ATP8B4: variants seen among roughly 807,000 people sequenced by gnomAD.
ATP8B4 encodes the protein ATPase phospholipid transporting 8B4 (putative).
In ATP8B4, 133 loss-of-function variants were observed where a neutral mutation model predicts 145.6. The observed-to-expected ratio is 0.91, with a 90% CI of 0.79 to 1.05. ATP8B4 has a LOEUF of 1.05. ATP8B4 is among the 50% of genes least tolerant of loss of function. The probability of loss-of-function intolerance (pLI) is 0.00; values close to 1 mark genes in which losing one functional copy is unlikely to be tolerated. For missense variants in ATP8B4, 1,458 were observed against 1,425.2 expected (o/e 1.02, Z -0.37); for synonymous variants, 507 against 492.9 (o/e 1.03, Z -0.38).
chr15:49,947,660 C>T (rs1338084111), intron 14 of ATP8B4, among the ~76,000 whole-genome samples: 3 of 151,794 alleles, frequency 2.0e-5, no homozygotes, highest in Admixed American at 1.3e-4. Context: ...CCCCAGATAG[C>T]CAAAACTATC....
chr15:49,900,985 A>AGT (rs1411862873), intron 21 of ATP8B4, 107 bp downstream of exon 21: 2 of 1,378,166 alleles, frequency 1.5e-6, no homozygotes, highest in African/African-American at 2.9e-5. Context: ...TGTATCTAGT[A>AGT]GTGACATTTG....
chr15:50,093,026 G>A (rs2055711493), intron 2 of ATP8B4, among the ~76,000 whole-genome samples: 1 of 151,952 alleles, frequency 6.6e-6, no homozygotes, highest in Non-Finnish European at 1.5e-5. Flanking sequence ...AAAAGTCAGT[G>A]GAGGCCTGAA....
At chr15:50,087,327 ATATTTATATATAATATAGATC>A (rs1408618677) in intron 2 of ATP8B4, among the ~76,000 whole-genome samples, 25 of 37,412 alleles carry the variant, frequency 6.7e-4, no homozygotes, top group African/African-American at 3.6e-3. Flanking sequence ...ATATAGATCT[ATATTTATATATAATATAGATC>A]TATATATTAT....
intron 7 of ATP8B4, among the ~76,000 whole-genome samples, 166 bp downstream of exon 7, chr15:50,010,679 A>C (rs12593242): frequency 0.4 from 60,334 of 151,920 alleles, 12,366 homozygotes; most frequent in East Asian, 0.65. Context: ...GAAACTAATA[A>C]ATCAACGTCT....
chr15:50,002,111 A>G (rs1343739956), intron 8 of ATP8B4, 42 bp downstream of exon 8: 5 of 1,479,002 alleles, frequency 3.4e-6, no homozygotes. Flanking sequence ...ACTTTTAAAT[A>G]AATTAAAAAC....
At chr15:49,963,531 G>A (rs933221653) in intron 13 of ATP8B4, among the ~76,000 whole-genome samples, 2 of 152,170 alleles carry the variant, frequency 1.3e-5, no homozygotes, top group African/African-American at 2.4e-5. Context: ...GTGATAGACT[G>A]GGTAAAGAAA....
chr15:49,994,855 T>C (rs1008161018), intron 9 of ATP8B4, among the ~76,000 whole-genome samples: 1 of 152,094 alleles, frequency 6.6e-6, no homozygotes, highest in Non-Finnish European at 1.5e-5. Context: ...CTAGCCTCCC[T>C]TGCAGTTAAG....
intron 8 of ATP8B4, among the ~76,000 whole-genome samples, chr15:49,997,685 G>A (rs1439653962): frequency 6.6e-6 from 1 of 152,040 alleles, no homozygotes; most frequent in Non-Finnish European, 1.5e-5. Context: ...ACTCATTTTA[G>A]ACAGCCAAAA....
intron 7 of ATP8B4, 65 bp downstream of exon 7, chr15:50,010,780 A>G: frequency 1.8e-6 from 2 of 1,105,360 alleles, no homozygotes; most frequent in Non-Finnish European, 2.5e-6. Flanking sequence ...TTGCAAATGT[A>G]AATACTTCCA....
At position 49,859,182 on chromosome 15, in the gene ATP8B4, A is replaced by G. The variant is rs1394932787; in HGVS notation, c.*1012T>C. The G allele has an allele frequency of 6.6e-6, 1 of 152,262 alleles. No individual in the cohort carries two copies. Among genetic ancestry groups the G allele is most frequent in the Non-Finnish European group, 1.5e-5 (1 of 68,050 alleles). The allele number at this position is 152,262 out of a possible 1,614,324, so 9.4% of individuals were successfully genotyped here. A position where few individuals can be genotyped will look rare whatever the true frequency, so the allele number is the denominator to read the frequency against. On this transcript the variant is annotated 3_prime_UTR_variant, in exon 28 of 28. Coordinates refer to ENST00000284509, the MANE Select transcript of ATP8B4 (RefSeq NM_024837.4). The stretch of plus-strand genomic sequence containing the variant: ...TTTACTACATGTTTGAATTATAAAC[A>G]TGACAGCTGAGTATCAAAAGCAACT...
intron 14 of ATP8B4, among the ~76,000 whole-genome samples, chr15:49,942,364 T>C (rs2042227230): frequency 6.6e-6 from 1 of 151,268 alleles, no homozygotes; most frequent in Non-Finnish European, 1.5e-5. Flanking sequence ...AAAAGGAAAA[T>C]TGGATGAAGC....
intron 14 of ATP8B4, among the ~76,000 whole-genome samples, chr15:49,935,506 G>A (rs2041658998): frequency 6.6e-6 from 1 of 152,046 alleles, no homozygotes; most frequent in East Asian, 1.9e-4. Flanking sequence ...CAGTATACTA[G>A]TTTCTTTTTT....
At chr15:50,096,381 T>C (rs1317843636) in intron 2 of ATP8B4, among the ~76,000 whole-genome samples, 1 of 152,124 alleles carries the variant, frequency 6.6e-6, no homozygotes, top group Non-Finnish European at 1.5e-5. Flanking sequence ...CTAGCCCATA[T>C]CCTGAGTAAT....
At chr15:49,958,284 G>A (rs965365794) in intron 14 of ATP8B4, among the ~76,000 whole-genome samples, 2 of 151,280 alleles carry the variant, frequency 1.3e-5, no homozygotes, top group Non-Finnish European at 3.0e-5. Flanking sequence ...TGTTCAGGGG[G>A]AAATTGTTAA....
At chr15:50,124,400 T>C (rs2057293877) in intron 1 of ATP8B4, among the ~76,000 whole-genome samples, 1 of 152,180 alleles carries the variant, frequency 6.6e-6, no homozygotes, top group African/African-American at 2.4e-5. Context: ...AGACTCACAA[T>C]TAAGTTTTAC....
chr15:49,963,133 G>A (rs2044228914), intron 13 of ATP8B4, among the ~76,000 whole-genome samples: 1 of 152,086 alleles, frequency 6.6e-6, no homozygotes, highest in East Asian at 1.9e-4. Context: ...CTTCTCAAAA[G>A]AAGAATAAAT....
chr15:49,876,920 G>A (rs1180250566), intron 24 of ATP8B4, among the ~76,000 whole-genome samples: 1 of 152,172 alleles, frequency 6.6e-6, no homozygotes, highest in African/African-American at 2.4e-5. Context: ...GAAGTTAATT[G>A]TCAAGGTAGT....
chr15:50,121,431 C>T (rs542844723), upstream of ATP8B4, among the ~76,000 whole-genome samples: 35 of 152,172 alleles, frequency 2.3e-4, no homozygotes, highest in African/African-American at 8.2e-4. Flanking sequence ...AGTTATACAA[C>T]ACTGTGAATG....
chr15:49,897,044 G>A, intron 23 of ATP8B4: 1 of 410,584 alleles, frequency 2.4e-6, no homozygotes, highest in South Asian at 4.6e-5. Context: ...AAGTATGCAT[G>A]GAAGGAGTAC....
Sources: gnomAD v4.1 joint callset for allele counts (sites outside exome capture counted in the v4.1 genomes callset) on GRCh38, gnomAD v4.1.1 for gene constraint, MANE v1.5 for transcripts, NCBI Gene and HGNC (gene_info 2026-07-23, HGNC 2026-07-21) for gene names.